Variants in MYBPC3 observed in about 807,000 individuals in gnomAD.
The protein encoded by MYBPC3 is myosin-binding protein C, cardiac-type.
MYBPC3 carries 108 observed loss-of-function variants against 159.3 expected under a neutral mutation model. That is an observed-to-expected ratio of 0.68 (90% CI 0.58 to 0.80). The LOEUF (loss-of-function observed/expected upper bound fraction) is 0.80. MYBPC3 is among the 30% of genes least tolerant of loss of function. The pLI is 0.00. For missense variants in MYBPC3, 1,631 were observed against 1,762.1 expected (o/e 0.93, Z 1.33); for synonymous variants, 730 against 702.0 (o/e 1.04, Z -0.63).
chr11:47,337,844 T>TGAGTAAC (rs2142855850), intron 23 of MYBPC3, 50 bp from the exon 24 acceptor site: 1 of 1,481,600 alleles, frequency 6.7e-7, no homozygotes, highest in South Asian at 1.2e-5. Context: ...CTCAGGGCCT[T>TGAGTAAC]GAGTAACGTT....
chr11:47,333,789 A>C, intron 28 of MYBPC3, 37 bp from the exon 29 acceptor site: 1 of 1,566,372 alleles, frequency 6.4e-7, no homozygotes, highest in South Asian at 1.2e-5. Context: ...AACCTGGATC[A>C]CTCCAAGGGC....
Position 47,343,256 on chromosome 11 carries a change from T to A in MYBPC3, c.1226+4A>T, listed in dbSNP as rs1383164567. 1 of 1,564,342 alleles carries A rather than the reference T, an allele frequency of 6.4e-7. No individual in the cohort carries two copies. Among genetic ancestry groups the A allele is most frequent in the Non-Finnish European group, 8.6e-7 (1 of 1,159,082 alleles). On this transcript the variant is annotated splice_donor_region_variant and intron_variant, in intron 14 of 34. Transcript: ENST00000545968. ...CACCCCAAGCCATCCAGAGGGGAAC[T>A]TACTTGCTGTAGAACAGAAGGGGCC...
chr11:47,333,019 C>T (rs1016235803), intron 30 of MYBPC3, 46 bp from the exon 31 acceptor site: 3 of 1,577,586 alleles, frequency 1.9e-6, no homozygotes, highest in Admixed American at 3.6e-5. Context: ...CAGGCCCTTC[C>T]TGATGCCGAG....
chr11:47,344,936 GCC>G, intron 12 of MYBPC3, among the ~76,000 whole-genome samples: 1 of 152,108 alleles, frequency 6.6e-6, no homozygotes, highest in African/African-American at 2.4e-5. Context: ...GATTACAGGC[GCC>G]TGCCACCATG....
intron 21 of MYBPC3, 30 bp from the exon 22 acceptor site, chr11:47,339,434 G>T: frequency 1.9e-6 from 3 of 1,607,910 alleles, no homozygotes; most frequent in Non-Finnish European, 2.6e-6. Flanking sequence ...GAAGTAGGGA[G>T]CAGAGGAGCT....
intron 20 of MYBPC3, among the ~76,000 whole-genome samples, chr11:47,340,294 C>T (rs931957254): frequency 4.6e-5 from 7 of 152,160 alleles, no homozygotes; most frequent in East Asian, 1.9e-4. Flanking sequence ...CACACACGCG[C>T]GCACACATGC....
chr11:47,350,658 G>C, intron 2 of MYBPC3, 43 bp from the exon 3 acceptor site: 2 of 1,431,774 alleles, frequency 1.4e-6, no homozygotes, highest in Non-Finnish European at 1.8e-6. Context: ...CCACTAACCA[G>C]AGACCCCTCC....
At position 47,346,741 on chromosome 11, in the gene MYBPC3, T is replaced by A; in HGVS notation, c.909-97A>T. On this transcript the variant is annotated intron_variant, in intron 10 of 34. Coordinates refer to ENST00000545968, the MANE Select transcript of MYBPC3 (RefSeq NM_000256.3). The surrounding 1 kb of genome is among the most constrained non-coding windows in gnomAD (Gnocchi z 5.3). ...CTGGACCCCACCCATGGGCCTTTAC[T>A]TCCTCCCTATTTTCCGCACTTGCAC... 3.8e-6 allele frequency: 5 copies of A among 1,319,758 alleles called. No homozygotes were observed. Among genetic ancestry groups the A allele is most frequent in the Non-Finnish European group, 3.1e-6 (3 of 968,430 alleles). The allele number at this position is 1,319,758 out of a possible 1,614,324, so 81.8% of individuals were successfully genotyped here. A position where few individuals can be genotyped will look rare whatever the true frequency, so the allele number is the denominator to read the frequency against.
At chr11:47,334,142 T>A in intron 27 of MYBPC3, 132 bp from the exon 28 acceptor site, 1 of 809,846 alleles carries the variant, frequency 1.2e-6, no homozygotes, top group Non-Finnish European at 1.9e-6. Flanking sequence ...GCCCTGCGCC[T>A]CCTTTAGCTC....
Position 47,332,594 on chromosome 11 carries a change from A to T in MYBPC3, c.3599T>A (p.Leu1200His). 1 of 1,613,730 alleles carries T rather than the reference A, an allele frequency of 6.2e-7. No individual in the cohort carries two copies. The highest frequency in any genetic ancestry group is 2.2e-5 in the East Asian group (1 of 44,890). ...RSVIAGYTAM[L>H]CCAVRGSPKP... ...GGGGCTACCCCGGACAGCACAGCAG[A>T]GCATAGCAGTGTAGCCCGCGATGAC... Residue 1200 changes from leucine to histidine, a missense_variant, in exon 32 of 35, where the codon CTC (leucine) becomes CAC (histidine). Leu to His is a moderately conservative substitution (Grantham distance 99). Coordinates refer to ENST00000545968, the MANE Select transcript of MYBPC3 (RefSeq NM_000256.3). This position sits in a 1 kb window ranked among gnomAD's most constrained non-coding sequence, Gnocchi z 4.2.
rs374349666 is a variant in MYBPC3 at position 47,342,601 on chromosome 11, G to A, written c.1601C>T (p.Ala534Val). 2.2e-5 allele frequency: 36 copies of A among 1,609,818 alleles called. No homozygotes were observed. In the South Asian group the frequency reaches 2.9e-4, roughly 13 times the overall value. The stretch of plus-strand genomic sequence containing the variant: ...ACCCTGCACAATGAGCTCAGCCAGC[G>A]CCTGGCCCCCGCTAGTGCACAGTGC... ...HYALCTSGGQ[A>V]LAELIVQEKK... Residue 534 changes from alanine (A) to valine (V), a missense_variant, in exon 17 of 35, where the codon GCG becomes GTG. Physicochemically the swap from Ala to Val is moderately conservative, Grantham distance 64. Coordinates refer to ENST00000545968, the MANE Select transcript of MYBPC3 (RefSeq NM_000256.3).
At position 47,335,404 on chromosome 11, in the gene MYBPC3, C is replaced by T. The variant is rs997126922; in HGVS notation, c.2738-195G>A. On this transcript the variant is annotated intron_variant, in intron 26 of 34. Transcript: ENST00000545968. ...GTGCAATGGCATGATCTTGGCTCAC[C>T]GCAACTTCTGCCTCCCGAGTTCAAG... 1.4e-4 allele frequency among the ~76,000 whole-genome samples: 22 copies of T among 152,184 alleles called. No homozygotes were observed. The East Asian group carries it at 2.7e-3, about 19-fold the overall frequency.
Position 47,347,848 on chromosome 11 carries a change from G to A in MYBPC3, c.821+9C>T. On this transcript the variant is annotated intron_variant, in intron 7 of 34. Transcript: ENST00000545968. Reference sequence around the variant, plus strand: ...TGGCCTCCCCCAGGCCCTGAGGATGGCCACTCACGTGCGGCGGAAGGCTGA... The same window carrying A: ...TGGCCTCCCCCAGGCCCTGAGGATGACCACTCACGTGCGGCGGAAGGCTGA... 1.3e-6 allele frequency: 2 copies of A among 1,562,414 alleles called. No individual in the cohort carries two copies. Among genetic ancestry groups the A allele is most frequent in the African/African-American group, 1.4e-5 (1 of 73,696 alleles).
intron 12 of MYBPC3, among the ~76,000 whole-genome samples, chr11:47,344,093 T>C (rs917716797): frequency 5.9e-5 from 9 of 152,202 alleles, no homozygotes; most frequent in African/African-American, 2.2e-4. Context: ...TCTTTATCTG[T>C]GTCTATGTGT....
intron 13 of MYBPC3, 59 bp downstream of exon 13, chr11:47,343,433 G>A: frequency 6.5e-7 from 1 of 1,529,718 alleles, no homozygotes; most frequent in Non-Finnish European, 8.8e-7. Flanking sequence ...AGGGGCAGGA[G>A]GCAAGGCTAT....
Position 47,352,302 on chromosome 11 carries a change from C to T in MYBPC3, c.25+321G>A, listed in dbSNP as rs1276296069. On this transcript the variant is annotated intron_variant, in intron 1 of 34. Coordinates refer to ENST00000545968, the MANE Select transcript of MYBPC3 (RefSeq NM_000256.3). ...AACGTGGGCTCTGTCCGCGGGGAAC[C>T]TTGCTGTGGAAGGTGAAGGCAATGG... Among the ~76,000 whole-genome samples the T allele has an allele frequency of 2.6e-5, 4 of 152,104 alleles. No homozygotes were observed. The East Asian group carries it at 7.7e-4, about 29-fold the overall frequency.
At chr11:47,348,141 C>T (rs966700808) in intron 6 of MYBPC3, among the ~76,000 whole-genome samples, 3 of 152,152 alleles carry the variant, frequency 2.0e-5, no homozygotes, top group Non-Finnish European at 2.9e-5. Flanking sequence ...CTTCACCCAT[C>T]GCCCAAACAT....
chr11:47,333,953 C>A lies in MYBPC3; in HGVS notation c.2963G>T (p.Gly988Val), dbSNP rs727504942. Residue 988 changes from glycine (G) to valine (V), a missense_variant, in exon 28 of 35, where the codon GGG becomes GTG. Physicochemically the swap from Gly to Val is moderately radical, Grantham distance 109. Coordinates refer to ENST00000545968, the MANE Select transcript of MYBPC3 (RefSeq NM_000256.3). ...HLRQTIQKKV[G>V]EPVNLLIPFQ... The stretch of plus-strand genomic sequence containing the variant: ...AGGGATGAGAAGGTTCACAGGCTCC[C>A]CGACCTTCTTCTGAATGGTCTGGCG... 29 of 1,583,036 alleles carry A rather than the reference C, an allele frequency of 1.8e-5. No individual in the cohort carries two copies. Among genetic ancestry groups the A allele is most frequent in the East Asian group, 2.3e-5 (1 of 43,180 alleles).
chr11:47,336,812 C>CAG (rs2095882759), intron 25 of MYBPC3, among the ~76,000 whole-genome samples: 1 of 152,242 alleles, frequency 6.6e-6, no homozygotes, highest in African/African-American at 2.4e-5. Context: ...CCCCATTATA[C>CAG]AGATGAGGAA....
Sources: allele counts gnomAD v4.1 joint callset (sites outside exome capture counted in the v4.1 genomes callset), GRCh38; gene constraint gnomAD v4.1.1; non-coding constraint Gnocchi (gnomAD v3.1); transcripts MANE v1.5; gene names NCBI Gene and HGNC (gene_info 2026-07-23, HGNC 2026-07-21).